NEO1: variants seen among roughly 807,000 people sequenced by gnomAD.
NEO1 encodes neogenin 1, also known as neogenin.
NEO1 carries 63 observed loss-of-function variants against 159.7 expected under a neutral mutation model. That is an observed-to-expected ratio of 0.39 (90% CI 0.32 to 0.49). The LOEUF is 0.49. Ranked by LOEUF, NEO1 falls within the 20% of genes least tolerant of loss-of-function variation. The pLI, the probability that NEO1 is intolerant of heterozygous loss-of-function variation, is 0.85. For synonymous variants in NEO1, 633 were observed against 662.0 expected (o/e 0.96, Z 0.67); for missense variants, 1,615 against 1,831.0 (o/e 0.88, Z 2.15).
At chr15:73,200,117 T>C (rs538390118) in intron 7 of NEO1, among the ~76,000 whole-genome samples, 9 of 152,222 alleles carry the variant, frequency 5.9e-5, no homozygotes, top group Non-Finnish European at 1.3e-4. Flanking sequence ...TGGTATTATT[T>C]ATCCTTTTAC....
At chr15:73,229,037 T>C (rs2038757331) in intron 7 of NEO1, among the ~76,000 whole-genome samples, 1 of 152,156 alleles carries the variant, frequency 6.6e-6, no homozygotes, top group African/African-American at 2.4e-5. Context: ...TTTTTTGTTC[T>C]TTTTGATAAT....
rs780327722 is a variant in NEO1 at position 73,249,221 on chromosome 15, G to A, written c.1755+13G>A. On this transcript the variant is annotated intron_variant, in intron 10 of 28. Coordinates refer to ENST00000261908, the MANE Select transcript of NEO1 (RefSeq NM_002499.4). ...TGATAAAGAACAGGTATGAAGTGAA[G>A]CAACTTTTCAAACCATTGATTGGAA... The A allele has an allele frequency of 6.2e-7, 1 of 1,612,672 alleles. No individual in the cohort carries two copies. Among genetic ancestry groups the A allele is most frequent in the Non-Finnish European group, 8.5e-7 (1 of 1,179,124 alleles).
chr15:73,187,660 T>C (rs926361494), intron 7 of NEO1, among the ~76,000 whole-genome samples: 1 of 152,294 alleles, frequency 6.6e-6, no homozygotes, highest in Admixed American at 6.5e-5. Flanking sequence ...GTAACAAATA[T>C]GTGTAGCTGT....
intron 18 of NEO1, 27 bp downstream of exon 18, chr15:73,270,481 A>G (rs750344371): frequency 1.3e-6 from 2 of 1,578,806 alleles, no homozygotes; most frequent in Non-Finnish European, 1.7e-6. Flanking sequence ...GCCATGTCAC[A>G]TGGCTGCTTT....
intron 8 of NEO1, 38 bp downstream of exon 8, chr15:73,236,544 T>G: frequency 6.3e-7 from 1 of 1,585,230 alleles, no homozygotes; most frequent in Non-Finnish European, 8.7e-7. Context: ...TGGCTGCCTC[T>G]TGGTCACGGC....
intron 7 of NEO1, among the ~76,000 whole-genome samples, chr15:73,210,961 T>C (rs2037523031): frequency 6.6e-6 from 1 of 152,336 alleles, no homozygotes; most frequent in African/African-American, 2.4e-5. Context: ...GAATGTATAG[T>C]AATATTACTT....
At chr15:73,132,381 G>A (rs2031246798) in intron 4 of NEO1, among the ~76,000 whole-genome samples, 1 of 152,024 alleles carries the variant, frequency 6.6e-6, no homozygotes, top group African/African-American at 2.4e-5. Flanking sequence ...CGAAGTCTGA[G>A]TGTGTCATTA....
chr15:73,194,939 A>C (rs182016310), intron 7 of NEO1, among the ~76,000 whole-genome samples: 3 of 152,236 alleles, frequency 2.0e-5, no homozygotes, highest in African/African-American at 7.2e-5. Flanking sequence ...GAGTTATGCT[A>C]TAATGAATGC....
rs2041325159 is a variant in NEO1, at chr15:73,274,714, T to C, written c.3183T>C (p.Pro1061=). The change falls in exon 21 of 29, where the codon CCT becomes CCC. Residue 1061 remains proline, a synonymous_variant. Coordinates refer to ENST00000261908, the MANE Select transcript of NEO1 (RefSeq NM_002499.4). The part of the protein sequence containing the change: ...TPKADSSDKM[P]NDQASGSGGK... ...TAGCGGACTCCTCTGATAAAATGCC[T>C]AATGATCAAGGTAAATGAGTAGATG... 2.5e-6 allele frequency: 4 copies of C among 1,613,874 alleles called. No individual in the cohort carries two copies. Among genetic ancestry groups the C allele is most frequent in the Non-Finnish European group, 2.5e-6 (3 of 1,179,846 alleles).
chr15:73,063,764 T>A (rs2068081353), intron 1 of NEO1, among the ~76,000 whole-genome samples: 1 of 152,156 alleles, frequency 6.6e-6, no homozygotes, highest in African/African-American at 2.4e-5. Context: ...ATTCTGGAAT[T>A]AATAATTTGT....
chr15:73,274,278 T>G (rs759219889), intron 20 of NEO1, among the ~76,000 whole-genome samples: 2 of 152,184 alleles, frequency 1.3e-5, no homozygotes, highest in Non-Finnish European at 2.9e-5. Context: ...CTAAAAGTTT[T>G]TACTGGTCAG....
intron 22 of NEO1, among the ~76,000 whole-genome samples, chr15:73,281,715 T>A (rs1474664747): frequency 2.0e-5 from 3 of 152,174 alleles, no homozygotes; most frequent in Admixed American, 2.0e-4. Context: ...CACCTCTGAT[T>A]GTTAGAAAAT....
At chr15:73,253,005 CA>C (rs2040157143) in intron 11 of NEO1, among the ~76,000 whole-genome samples, 1 of 151,704 alleles carries the variant, frequency 6.6e-6, no homozygotes, top group Non-Finnish European at 1.5e-5. Context: ...CAAAACAAAA[CA>C]AAACAAAAAG....
intron 5 of NEO1, among the ~76,000 whole-genome samples, chr15:73,143,028 T>C (rs919621598): frequency 6.6e-6 from 1 of 151,994 alleles, no homozygotes; most frequent in Non-Finnish European, 1.5e-5. Context: ...TTAAGTAAAA[T>C]GAGAAGAAAG....
intron 26 of NEO1, 63 bp downstream of exon 26, chr15:73,293,611 G>A (rs1338764881): frequency 6.5e-7 from 1 of 1,539,386 alleles, no homozygotes; most frequent in African/African-American, 1.4e-5. Flanking sequence ...GCAGAAATGG[G>A]GAAGGACTTG....
intron 26 of NEO1, 149 bp downstream of exon 26, chr15:73,293,697 T>C: frequency 1.1e-6 from 1 of 897,748 alleles, no homozygotes; most frequent in Non-Finnish European, 1.6e-6. Flanking sequence ...TGACTCAAAT[T>C]TGTTTCTGTA....
intron 7 of NEO1, among the ~76,000 whole-genome samples, chr15:73,193,105 C>G (rs2036328527): frequency 6.6e-6 from 1 of 151,646 alleles, no homozygotes; most frequent in South Asian, 2.1e-4. Context: ...GCATTTTTTT[C>G]CTAGAAGATG....
At chr15:73,120,947 G>T (rs1004125253) in intron 2 of NEO1, among the ~76,000 whole-genome samples, 2 of 151,962 alleles carry the variant, frequency 1.3e-5, no homozygotes, top group Non-Finnish European at 2.9e-5. Context: ...ACATCTTATC[G>T]TATCTGCCTT....
chr15:73,195,138 C>G (rs1253326885), intron 7 of NEO1, among the ~76,000 whole-genome samples: 1 of 152,142 alleles, frequency 6.6e-6, no homozygotes, highest in African/African-American at 2.4e-5. Context: ...GATGACCTTT[C>G]TGGACACAAA....
Sources: allele counts gnomAD v4.1 joint callset (sites outside exome capture counted in the v4.1 genomes callset), GRCh38; gene constraint gnomAD v4.1.1; transcripts MANE v1.5; gene names NCBI Gene and HGNC (gene_info 2026-07-23, HGNC 2026-07-21).